Variants in ACCSL observed in about 807,000 individuals in gnomAD.
ACCSL encodes 1-aminocyclopropane-1-carboxylate synthase homolog (inactive) like.
ACCSL carries 55 observed loss-of-function variants against 61.7 expected under a neutral mutation model. The ratio of observed to expected loss-of-function variants is 0.89; its 90% CI spans 0.72 to 1.12. The LOEUF (loss-of-function observed/expected upper bound fraction) is 1.12, where lower values mean the gene tolerates loss of function less well. ACCSL is among the 50% of genes most tolerant of loss of function. ACCSL has a pLI of 0.00. For synonymous variants in ACCSL, 258 were observed against 264.3 expected, an observed-to-expected ratio of 0.98 and a Z score of 0.23; for missense variants, 632 against 698.0, an observed-to-expected ratio of 0.91 and a Z score of 1.07.
the ACCSL span, among the ~76,000 whole-genome samples, chr11:43,986,302 A>T: frequency 2.3e-5 from 1 of 43,718 alleles, no homozygotes; most frequent in Non-Finnish European, 4.9e-5. Context: ...CTCCCACCCC[A>T]CCCCCACCCC....
the ACCSL span, among the ~76,000 whole-genome samples, chr11:44,014,672 C>T: frequency 6.6e-6 from 1 of 152,152 alleles, no homozygotes; most frequent in Admixed American, 6.5e-5. Context: ...ATCGTAGGGT[C>T]CATCTTGGAG....
At chr11:43,941,338 G>A in the ACCSL span, among the ~76,000 whole-genome samples, 1 of 152,188 alleles carries the variant, frequency 6.6e-6, no homozygotes, top group Non-Finnish European at 1.5e-5. Context: ...ACTTTCATGA[G>A]GGCCAGGACT....
the ACCSL span, among the ~76,000 whole-genome samples, chr11:44,000,106 C>G: frequency 6.6e-6 from 1 of 151,970 alleles, no homozygotes; most frequent in Admixed American, 6.6e-5. Flanking sequence ...ATGGTGAAAC[C>G]CTGCCTCTAT....
chr11:43,932,702 C>T, the ACCSL span, among the ~76,000 whole-genome samples: 1 of 152,196 alleles, frequency 6.6e-6, no homozygotes, highest in Non-Finnish European at 1.5e-5. Context: ...GTCCTCAGCA[C>T]CCACAGCACT....
chr11:44,048,599 A>C (rs1016887613), intron 1 of ACCSL, 59 bp downstream of exon 1: 7 of 1,487,924 alleles, frequency 4.7e-6, no homozygotes, highest in African/African-American at 4.1e-5. Context: ...ACTTGGATTT[A>C]CTGAGTCCTG....
At chr11:43,975,625 C>G in the ACCSL span, among the ~76,000 whole-genome samples, 4 of 152,060 alleles carry the variant, frequency 2.6e-5, no homozygotes, top group Non-Finnish European at 5.9e-5. Flanking sequence ...AGTGTAAACC[C>G]TAAAAACATT....
At chr11:43,934,177 C>G in the ACCSL span, among the ~76,000 whole-genome samples, 7 of 152,160 alleles carry the variant, frequency 4.6e-5, no homozygotes, top group African/African-American at 1.7e-4. Context: ...TGGAGATTGC[C>G]TGGGATTGTC....
chr11:43,943,760 G>T, the ACCSL span: 49 of 1,304,342 alleles, frequency 3.8e-5, no homozygotes, highest in Non-Finnish European at 4.8e-5. The surrounding 1 kb of genome is among the most constrained non-coding windows in gnomAD (Gnocchi z 4.8). Context: ...ACTGCGTCTG[G>T]AGGATTGATA....
At chr11:43,943,790 G>T in the ACCSL span, 1 of 1,303,640 alleles carries the variant, frequency 7.7e-7, no homozygotes, top group Non-Finnish European at 1.0e-6. The surrounding 1 kb of genome is among the most constrained non-coding windows in gnomAD (Gnocchi z 4.8). Context: ...GCATTGCGAT[G>T]GCTGAAGGCA....
the ACCSL span, chr11:43,943,197 C>T: frequency 7.9e-6 from 12 of 1,520,348 alleles, no homozygotes; most frequent in Admixed American, 1.7e-4. The surrounding 1 kb of genome is among the most constrained non-coding windows in gnomAD (Gnocchi z 4.8). Flanking sequence ...CAGAGCCTGT[C>T]GCTGCAGCGG....
the ACCSL span, among the ~76,000 whole-genome samples, chr11:43,998,121 G>A: frequency 6.6e-6 from 1 of 152,188 alleles, no homozygotes; most frequent in African/African-American, 2.4e-5. Context: ...GGTGTAAAGG[G>A]GGTGACAATA....
the ACCSL span, among the ~76,000 whole-genome samples, chr11:43,978,783 G>GTTT: frequency 0.014 from 1,106 of 79,078 alleles, 47 homozygotes; most frequent in Non-Finnish European, 0.018. Context: ...GAGAAGGTGG[G>GTTT]TTTTTTTTTT....
At chr11:43,924,033 G>A in the ACCSL span, among the ~76,000 whole-genome samples, 1 of 152,208 alleles carries the variant, frequency 6.6e-6, no homozygotes, top group African/African-American at 2.4e-5. Context: ...CTCTGGCTGA[G>A]CCCACTGACT....
chr11:43,936,884 C>G, the ACCSL span, among the ~76,000 whole-genome samples: 17 of 151,812 alleles, frequency 1.1e-4, no homozygotes, highest in Admixed American at 1.3e-4. Context: ...TTCCCCACCC[C>G]CCCCTCCTGC....
the ACCSL span, among the ~76,000 whole-genome samples, chr11:43,991,618 A>T: frequency 2.0e-5 from 3 of 151,888 alleles, no homozygotes; most frequent in African/African-American, 7.3e-5. Flanking sequence ...ACATGGCGAA[A>T]CCCCATCTCT....
chr11:43,942,541 G>C, the ACCSL span: 4 of 261,848 alleles, frequency 1.5e-5, no homozygotes, highest in Non-Finnish European at 3.1e-5. Flanking sequence ...AGGGCGCGGG[G>C]CGCGCACGCT....
the ACCSL span, among the ~76,000 whole-genome samples, chr11:43,969,155 C>A: frequency 1.2e-4 from 18 of 152,090 alleles, no homozygotes; most frequent in Non-Finnish European, 2.2e-4. Context: ...TCGAGCCCAG[C>A]CTGGGCAACA....
chr11:44,051,834 A>C, intron 5 of ACCSL, 115 bp downstream of exon 5: 1 of 1,245,686 alleles, frequency 8.0e-7, no homozygotes, highest in Non-Finnish European at 1.2e-6. Flanking sequence ...CTTTTCCCCA[A>C]AGTGGTGGGC....
chr11:43,933,328 A>T, the ACCSL span: 1 of 358,228 alleles, frequency 2.8e-6, no homozygotes, highest in African/African-American at 2.1e-5. Context: ...GACCTAGTCC[A>T]GAGAACCAGC....
Sources: gnomAD v4.1 joint callset for allele counts (sites outside exome capture counted in the v4.1 genomes callset) on GRCh38, gnomAD v4.1.1 for gene constraint, Gnocchi (gnomAD v3.1) non-coding constraint, MANE v1.5 for transcripts, NCBI Gene and HGNC (gene_info 2026-07-23, HGNC 2026-07-21) for gene names.